COL24A1: variants seen among roughly 807,000 people sequenced by gnomAD.
COL24A1 encodes the protein collagen type XXIV alpha 1 chain.
Under a neutral mutation model 253.9 loss-of-function variants are expected in COL24A1, and 224 were observed. The observed-to-expected ratio is 0.88, with a 90% CI of 0.79 to 0.99. The LOEUF (loss-of-function observed/expected upper bound fraction) is 0.99, where lower values mean the gene tolerates loss of function less well. Among genes scored for constraint, COL24A1 ranks in the 50% least tolerant of loss-of-function variants. The pLI is 0.00. For synonymous variants in COL24A1, 685 were observed against 673.7 expected, an observed-to-expected ratio of 1.02 and a Z score of -0.26; for missense variants, 2,131 against 2,068.5, an observed-to-expected ratio of 1.03 and a Z score of -0.59.
chr1:86,089,265 G>C, intron 6 of COL24A1, 38 bp from the exon 7 acceptor site: 1 of 1,495,152 alleles, frequency 6.7e-7, no homozygotes, highest in Non-Finnish European at 9.0e-7. Flanking sequence ...TCATGAAAGA[G>C]AACTGAAAAT....
In COL24A1 at chr1:85,734,206, C is replaced by T. The variant is rs1663808328; in HGVS notation, c.4998+543G>A. On this transcript the variant is annotated intron_variant, in intron 59 of 59. Coordinates refer to ENST00000370571, the MANE Select transcript of COL24A1 (RefSeq NM_152890.7). ...GCATGAGCCACCATGCCTGGCCCCA[C>T]TATTTAATTTTAATGGAAAAAAAAT... Among the ~76,000 whole-genome samples, 2 of 151,998 alleles carry T rather than the reference C, an allele frequency of 1.3e-5. 1 individual carries two copies. Among genetic ancestry groups the T allele is most frequent in the South Asian group, 4.2e-4 (2 of 4,812 alleles).
chr1:85,979,282 T>C (rs1394990838), intron 20 of COL24A1, among the ~76,000 whole-genome samples: 6 of 151,574 alleles, frequency 4.0e-5, no homozygotes, highest in Admixed American at 2.6e-4. Flanking sequence ...CTCAAGGAAG[T>C]AGAGAAACAA....
chr1:86,139,182 G>GC (rs989176160), intron 2 of COL24A1, among the ~76,000 whole-genome samples: 8 of 150,910 alleles, frequency 5.3e-5, no homozygotes, highest in South Asian at 2.1e-4. Flanking sequence ...AGGAGAAAGG[G>GC]GGGGGAGAGG....
intron 7 of COL24A1, among the ~76,000 whole-genome samples, chr1:86,073,711 A>G (rs1702034302): frequency 6.6e-6 from 1 of 152,232 alleles, no homozygotes; most frequent in African/African-American, 2.4e-5. Context: ...TGCTAAGGAC[A>G]GCCAGAGAGA....
chr1:85,745,167 T>G (rs1665073772), intron 56 of COL24A1, among the ~76,000 whole-genome samples: 1 of 152,070 alleles, frequency 6.6e-6, no homozygotes, highest in South Asian at 2.1e-4. Flanking sequence ...ATGGCTAACC[T>G]CATTTAACTA....
intron 53 of COL24A1, among the ~76,000 whole-genome samples, chr1:85,768,983 A>T (rs1306469806): frequency 1.1e-5 from 1 of 94,562 alleles, no homozygotes; most frequent in Non-Finnish European, 2.3e-5. Context: ...TCTCTCAGGG[A>T]GCTGAGCACA....
intron 35 of COL24A1, among the ~76,000 whole-genome samples, chr1:85,873,745 G>T (rs1680809008): frequency 6.6e-6 from 1 of 151,858 alleles, no homozygotes; most frequent in African/African-American, 2.4e-5. Flanking sequence ...GAAGTTAATG[G>T]GTGCAGCACA....
chr1:86,027,822 A>C (rs1340284409), intron 14 of COL24A1, among the ~76,000 whole-genome samples: 1 of 152,190 alleles, frequency 6.6e-6, no homozygotes, highest in African/African-American at 2.4e-5. Context: ...CACCTGGAAA[A>C]GCCACAGGCA....
chr1:85,794,797 G>A (rs1270741740), intron 47 of COL24A1, among the ~76,000 whole-genome samples: 2 of 152,042 alleles, frequency 1.3e-5, no homozygotes, highest in Admixed American at 6.6e-5. Flanking sequence ...GGTCAGAGAT[G>A]CCAAAAATCA....
intron 1 of COL24A1, among the ~76,000 whole-genome samples, chr1:86,152,344 T>G (rs768777807): frequency 2.0e-5 from 3 of 152,210 alleles, no homozygotes; most frequent in Non-Finnish European, 4.4e-5. Context: ...ATTTTACACC[T>G]GACTTTATGG....
chr1:85,939,155 A>G (rs1472991308), intron 24 of COL24A1, among the ~76,000 whole-genome samples: 1 of 152,200 alleles, frequency 6.6e-6, no homozygotes, highest in African/African-American at 2.4e-5. Flanking sequence ...AGAGTAGACT[A>G]GATACATAAA....
At chr1:85,846,793 C>T (rs560867077) in intron 39 of COL24A1, among the ~76,000 whole-genome samples, 8 of 152,018 alleles carry the variant, frequency 5.3e-5, no homozygotes, top group Non-Finnish European at 1.0e-4. Flanking sequence ...TTTTTGTATA[C>T]AGGTCAAAGA....
At chr1:85,762,357 T>C (rs974242535) in intron 53 of COL24A1, among the ~76,000 whole-genome samples, 2 of 152,184 alleles carry the variant, frequency 1.3e-5, no homozygotes, top group Admixed American at 1.3e-4. Context: ...AAATATACTG[T>C]GATAGCTAGA....
intron 2 of COL24A1, among the ~76,000 whole-genome samples, chr1:86,130,958 C>T (rs528107147): frequency 4.6e-5 from 7 of 152,116 alleles, no homozygotes; most frequent in African/African-American, 9.6e-5. Flanking sequence ...AGAAGGTTTA[C>T]GGGAACAACA....
In COL24A1 at chr1:86,125,808, T is replaced by C; in HGVS notation, c.528A>G (p.Ser176=). ...ATTTCTTTCCACACTCAACAAACAT[T>C]GAGACACTTTGGTTTCTAATAGTAA... The part of the protein sequence containing the change: ...FAITIRNQSV[S]MFVECGKKYF... The change falls in exon 3 of 60, where the codon TCA becomes TCG. Residue 176 remains serine (S), a synonymous_variant. Coordinates refer to ENST00000370571, the MANE Select transcript of COL24A1 (RefSeq NM_152890.7). 6.2e-7 allele frequency: 1 copy of C among 1,613,264 alleles called. No homozygotes were observed.
At chr1:85,841,972 T>C in intron 41 of COL24A1, 96 bp downstream of exon 41, 1 of 1,093,144 alleles carries the variant, frequency 9.1e-7, no homozygotes. Flanking sequence ...AAAGTGCTTC[T>C]TTTATTCCTT....
At chr1:85,971,772 AAT>A (rs1343794402) in intron 20 of COL24A1, among the ~76,000 whole-genome samples, 1 of 152,202 alleles carries the variant, frequency 6.6e-6, no homozygotes, top group Non-Finnish European at 1.5e-5. Context: ...ACAGTGTTTT[AAT>A]ATCTATTAAG....
intron 12 of COL24A1, among the ~76,000 whole-genome samples, chr1:86,039,430 T>C (rs1699288650): frequency 6.6e-6 from 1 of 152,160 alleles, no homozygotes; most frequent in Non-Finnish European, 1.5e-5. Flanking sequence ...TTTAAATGTA[T>C]ATAAAATAAC....
intron 32 of COL24A1, among the ~76,000 whole-genome samples, chr1:85,881,887 T>C (rs894634329): frequency 6.6e-6 from 1 of 151,990 alleles, no homozygotes; most frequent in Non-Finnish European, 1.5e-5. Flanking sequence ...TTACTTTGTA[T>C]TTAATTTGCT....
Sources: allele counts gnomAD v4.1 joint callset (sites outside exome capture counted in the v4.1 genomes callset), GRCh38; gene constraint gnomAD v4.1.1; transcripts MANE v1.5; gene names NCBI Gene and HGNC (gene_info 2026-07-23, HGNC 2026-07-21).